The following SUPT3H variants were observed in gnomAD, a reference collection of about 807,000 sequenced individuals.
The protein encoded by SUPT3H is transcription initiation protein SPT3 homolog.
SUPT3H carries 44 observed loss-of-function variants against 44.3 expected under a neutral mutation model. The ratio of observed to expected loss-of-function variants is 0.99; its 90% CI spans 0.78 to 1.28. The LOEUF (loss-of-function observed/expected upper bound fraction) is 1.28, where lower values mean the gene tolerates loss of function less well. Ranked by LOEUF, SUPT3H falls within the 50% of genes most tolerant of loss-of-function variation. The pLI, the probability that SUPT3H is intolerant of heterozygous loss-of-function variation, is 0.00. For missense variants in SUPT3H, 380 were observed against 387.1 expected, an observed-to-expected ratio of 0.98 and a Z score of 0.15; for synonymous variants, 124 against 125.6, an observed-to-expected ratio of 0.99 and a Z score of 0.09.
At chr6:45,165,787 G>A (rs894140345) in intron 2 of SUPT3H, among the ~76,000 whole-genome samples, 1 of 151,824 alleles carries the variant, frequency 6.6e-6, no homozygotes, top group African/African-American at 2.4e-5. Context: ...GAACAAAAGT[G>A]ATCTAAACCG....
intron 3 of SUPT3H, among the ~76,000 whole-genome samples, chr6:45,094,659 G>A (rs1797568448): frequency 1.3e-5 from 2 of 151,866 alleles, no homozygotes; most frequent in Non-Finnish European, 2.9e-5. Context: ...TAAAAACTAA[G>A]TATCAGTCAA....
chr6:45,291,761 G>A (rs1022852367), intron 2 of SUPT3H, among the ~76,000 whole-genome samples: 4 of 152,022 alleles, frequency 2.6e-5, no homozygotes, highest in East Asian at 1.9e-4. Flanking sequence ...CAGAAAATAC[G>A]AACAAAGGCT....
chr6:45,326,182 C>A (rs1308704287), intron 2 of SUPT3H, among the ~76,000 whole-genome samples: 1 of 151,746 alleles, frequency 6.6e-6, no homozygotes, highest in Non-Finnish European at 1.5e-5. Flanking sequence ...AAGAAAATAG[C>A]AAAATGTTGG....
intron 4 of SUPT3H, among the ~76,000 whole-genome samples, chr6:45,015,274 A>G (rs1313255239): frequency 2.0e-5 from 3 of 152,144 alleles, no homozygotes; most frequent in Non-Finnish European, 4.4e-5. Context: ...CCTACTATTC[A>G]TGGGCTACAA....
chr6:45,062,206 T>C (rs1474098953), intron 3 of SUPT3H, among the ~76,000 whole-genome samples: 1 of 152,032 alleles, frequency 6.6e-6, no homozygotes, highest in Non-Finnish European at 1.5e-5. Context: ...GTAATACTGT[T>C]GGGAAAAGTT....
At chr6:45,119,646 T>C (rs892292864) in intron 2 of SUPT3H, among the ~76,000 whole-genome samples, 11 of 152,238 alleles carry the variant, frequency 7.2e-5, no homozygotes, top group African/African-American at 2.6e-4. Flanking sequence ...GAGTCAATAA[T>C]TGCAGCACTT....
chr6:44,905,475 A>T (rs1448270297), intron 10 of SUPT3H, among the ~76,000 whole-genome samples: 1 of 150,692 alleles, frequency 6.6e-6, no homozygotes, highest in African/African-American at 2.4e-5. Context: ...ATGAGATACC[A>T]TCTCACACCA....
chr6:45,150,351 A>ATG, intron 2 of SUPT3H, among the ~76,000 whole-genome samples: 1 of 152,266 alleles, frequency 6.6e-6, no homozygotes, highest in South Asian at 2.1e-4. Flanking sequence ...AGTCAAACAT[A>ATG]CATGGAAATG....
chr6:45,228,718 G>A (rs1170660866), intron 2 of SUPT3H, among the ~76,000 whole-genome samples: 5 of 151,752 alleles, frequency 3.3e-5, no homozygotes, highest in Admixed American at 6.6e-5. Context: ...GCACAGTCTC[G>A]GCTCACTACA....
intron 2 of SUPT3H, among the ~76,000 whole-genome samples, chr6:45,236,368 G>A (rs917676001): frequency 6.6e-6 from 1 of 152,112 alleles, no homozygotes; most frequent in African/African-American, 2.4e-5. Context: ...GGGGAGCTCA[G>A]AAGCATCAGG....
intron 6 of SUPT3H, among the ~76,000 whole-genome samples, chr6:44,991,768 C>T (rs1262745285): frequency 6.6e-6 from 1 of 152,062 alleles, no homozygotes; most frequent in Non-Finnish European, 1.5e-5. Context: ...AGCATGGATG[C>T]ACATAAAGAA....
intron 5 of SUPT3H, among the ~76,000 whole-genome samples, chr6:45,008,428 T>C: frequency 6.6e-6 from 1 of 152,100 alleles, no homozygotes; most frequent in Non-Finnish European, 1.5e-5. Context: ...AGTCACAGCA[T>C]ACTGCAGCCT....
chr6:45,372,348 A>C (rs1796191070), intron 1 of SUPT3H, among the ~76,000 whole-genome samples: 1 of 152,216 alleles, frequency 6.6e-6, no homozygotes, highest in Non-Finnish European at 1.5e-5. Flanking sequence ...ATGATGATTA[A>C]CTCATGCAAA....
intron 3 of SUPT3H, among the ~76,000 whole-genome samples, chr6:45,035,488 A>G (rs1470864484): frequency 6.6e-6 from 1 of 152,162 alleles, no homozygotes; most frequent in African/African-American, 2.4e-5. Flanking sequence ...ACTCCTTACT[A>G]GGTAAGGATG....
At chr6:44,865,464 A>G (rs1775351116) in intron 10 of SUPT3H, among the ~76,000 whole-genome samples, 1 of 152,114 alleles carries the variant, frequency 6.6e-6, no homozygotes, top group African/African-American at 2.4e-5. Flanking sequence ...GTAATTTACA[A>G]AGAAAAAGAG....
At chr6:45,157,760 G>A (rs1021423840) in intron 2 of SUPT3H, among the ~76,000 whole-genome samples, 14 of 151,660 alleles carry the variant, frequency 9.2e-5, no homozygotes, top group African/African-American at 3.4e-4. Context: ...TGTTGGTAAG[G>A]CTGGTCTCAA....
chr6:45,373,246 G>A (rs181888958), intron 1 of SUPT3H, among the ~76,000 whole-genome samples: 14 of 152,120 alleles, frequency 9.2e-5, no homozygotes, highest in South Asian at 8.3e-4. Context: ...AGCCGGCCAC[G>A]ATTTTCATGT....
chr6:45,282,124 C>CAAG (rs1778233530), intron 2 of SUPT3H, among the ~76,000 whole-genome samples: 1 of 151,996 alleles, frequency 6.6e-6, no homozygotes, highest in African/African-American at 2.4e-5. Flanking sequence ...TAGATAAAAC[C>CAAG]ACAAAAATGG....
At chr6:44,913,162 T>C (rs1466588202) in intron 10 of SUPT3H, among the ~76,000 whole-genome samples, 1 of 152,166 alleles carries the variant, frequency 6.6e-6, no homozygotes, top group Non-Finnish European at 1.5e-5. Flanking sequence ...AAGGCTCATC[T>C]CTATCTGCAT....
Sources: gnomAD v4.1 joint callset for allele counts (sites outside exome capture counted in the v4.1 genomes callset) on GRCh38, gnomAD v4.1.1 for gene constraint, MANE v1.5 for transcripts, NCBI Gene and HGNC (gene_info 2026-07-23, HGNC 2026-07-21) for gene names.